EXOC6B: variants seen among roughly 807,000 people sequenced by gnomAD.
EXOC6B encodes exocyst complex component 6B, also known as SEC15 homolog B.
A neutral mutation model predicts 113.5 loss-of-function variants in EXOC6B; 54 were observed. That is an observed-to-expected ratio of 0.48 (90% CI 0.38 to 0.60). EXOC6B has a LOEUF of 0.60. EXOC6B is among the 20% of genes least tolerant of loss of function. The probability of loss-of-function intolerance (pLI) is 0.00; values close to 1 mark genes in which losing one functional copy is unlikely to be tolerated. For missense variants in EXOC6B, 797 were observed against 977.5 expected, an observed-to-expected ratio of 0.82 and a Z score of 2.46; for synonymous variants, 357 against 339.0, an observed-to-expected ratio of 1.05 and a Z score of -0.58.
chr2:72,685,582 C>T (rs1677031482), intron 6 of EXOC6B, among the ~76,000 whole-genome samples: 1 of 152,122 alleles, frequency 6.6e-6, no homozygotes, highest in Non-Finnish European at 1.5e-5. Context: ...GTACTAGATC[C>T]CCTTTAGGGG....
At chr2:72,626,073 T>C (rs1672032187) in intron 6 of EXOC6B, among the ~76,000 whole-genome samples, 1 of 152,118 alleles carries the variant, frequency 6.6e-6, no homozygotes, top group African/African-American at 2.4e-5. Context: ...TCTAAAGCTA[T>C]GTTTTTCCCA....
rs374954336 is a variant in EXOC6B at position 72,718,014 on chromosome 2, T to A, written c.669+89A>T. 37 of 902,044 alleles carry A rather than the reference T, an allele frequency of 4.1e-5. 1 individual carries two copies. The highest frequency in any genetic ancestry group is 3.3e-4 in the East Asian group (13 of 39,692). The allele number at this position is 902,044 out of a possible 1,614,324, so 55.9% of individuals were successfully genotyped here. On this transcript the variant is annotated intron_variant, in intron 6 of 21. Transcript: ENST00000272427. ...AAAATGATAAGAAACTTGGATAAGATAATGACTAGACACTTGGCAAAGAGA... is the reference window on the plus strand; with the variant it reads ...AAAATGATAAGAAACTTGGATAAGAAAATGACTAGACACTTGGCAAAGAGA...
At chr2:72,622,771 A>G (rs1368746460) in intron 6 of EXOC6B, among the ~76,000 whole-genome samples, 1 of 152,218 alleles carries the variant, frequency 6.6e-6, no homozygotes, top group Admixed American at 6.5e-5. Flanking sequence ...AAACATCATT[A>G]GTTATTAGGG....
chr2:72,387,162 G>C (rs1432561981), intron 18 of EXOC6B, among the ~76,000 whole-genome samples: 2 of 152,136 alleles, frequency 1.3e-5, no homozygotes, highest in Non-Finnish European at 2.9e-5. Context: ...CACACACACA[G>C]TTATATAACT....
Position 72,271,252 on chromosome 2 carries a change from G to T in EXOC6B, c.2196+63695C>A, listed in dbSNP as rs149948274. ...TTTGTATGCTGGTCTGCATTCTCTC[G>T]AGTTTAAATTAAGTAGGTAAAGATC... On this transcript the variant is annotated intron_variant, in intron 20 of 21. Coordinates refer to ENST00000272427, the MANE Select transcript of EXOC6B (RefSeq NM_015189.3). 2.6e-3 allele frequency among the ~76,000 whole-genome samples: 396 copies of T among 152,158 alleles called. 1 individual carries two copies. Among genetic ancestry groups the T allele is most frequent in the African/African-American group, 9.1e-3 (378 of 41,514 alleles).
At chr2:72,606,158 C>A (rs958183910) in intron 6 of EXOC6B, among the ~76,000 whole-genome samples, 2 of 152,088 alleles carry the variant, frequency 1.3e-5, no homozygotes, top group African/African-American at 4.8e-5. Context: ...AGGAATTAGT[C>A]TCATTTCTAA....
intron 18 of EXOC6B, among the ~76,000 whole-genome samples, chr2:72,441,408 AAG>A (rs1260603392): frequency 2.0e-5 from 3 of 152,154 alleles, no homozygotes; most frequent in African/African-American, 7.2e-5. Flanking sequence ...GCTGAACTGA[AAG>A]AGATAGAGAA....
chr2:72,397,630 TA>T (rs1218379056), intron 18 of EXOC6B, among the ~76,000 whole-genome samples: 15 of 102,626 alleles, frequency 1.5e-4, no homozygotes, highest in African/African-American at 8.4e-4. Flanking sequence ...AAAAAAAAAA[TA>T]AAATAAAATA....
chr2:72,515,923 G>A (rs1170982351), intron 8 of EXOC6B: 1 of 167,834 alleles, frequency 6.0e-6, no homozygotes, highest in African/African-American at 2.4e-5. Context: ...AATAGACACA[G>A]AGACACATGG....
At chr2:72,508,323 T>C (rs758383761) in intron 11 of EXOC6B, among the ~76,000 whole-genome samples, 3 of 152,054 alleles carry the variant, frequency 2.0e-5, no homozygotes, top group Admixed American at 6.5e-5. Flanking sequence ...AATCTACAGA[T>C]TTACTGCACA....
chr2:72,228,759 A>C (rs1259545818), intron 20 of EXOC6B, among the ~76,000 whole-genome samples: 1 of 152,204 alleles, frequency 6.6e-6, no homozygotes, highest in Non-Finnish European at 1.5e-5. Context: ...AGCATGATTT[A>C]TAATCCTTTG....
chr2:72,575,284 A>C (rs149985558), intron 7 of EXOC6B, among the ~76,000 whole-genome samples: 208 of 152,272 alleles, frequency 1.4e-3, no homozygotes, highest in African/African-American at 4.8e-3. Flanking sequence ...GTGAATTTAA[A>C]ATTTGAATTC....
intron 6 of EXOC6B, among the ~76,000 whole-genome samples, chr2:72,597,996 A>C (rs77934942): frequency 6.6e-6 from 1 of 151,970 alleles, no homozygotes; most frequent in African/African-American, 2.4e-5. Flanking sequence ...TATTATTATA[A>C]TGGGAGAATT....
At chr2:72,510,590 G>A (rs1431918820) in intron 11 of EXOC6B, among the ~76,000 whole-genome samples, 1 of 151,078 alleles carries the variant, frequency 6.6e-6, no homozygotes, top group African/African-American at 2.4e-5. Flanking sequence ...GAAAAACACA[G>A]CATGTTCCTA....
intron 18 of EXOC6B, among the ~76,000 whole-genome samples, chr2:72,444,795 T>TG (rs1696465357): frequency 6.6e-6 from 1 of 152,130 alleles, no homozygotes; most frequent in African/African-American, 2.4e-5. Flanking sequence ...ACAGGGACCT[T>TG]GGGCCCAGCA....
chr2:72,734,418 T>G (rs560979688), intron 2 of EXOC6B, among the ~76,000 whole-genome samples: 1 of 152,278 alleles, frequency 6.6e-6, no homozygotes, highest in Non-Finnish European at 1.5e-5. Context: ...CCGTCCAAAA[T>G]GCACATCTAA....
At chr2:72,552,610 A>G (rs1703303478) in intron 8 of EXOC6B, among the ~76,000 whole-genome samples, 1 of 152,114 alleles carries the variant, frequency 6.6e-6, no homozygotes, top group South Asian at 2.1e-4. Flanking sequence ...CCAAACCACA[A>G]ACACAAAAAT....
At chr2:72,678,358 T>C (rs1373612320) in intron 6 of EXOC6B, among the ~76,000 whole-genome samples, 1 of 152,198 alleles carries the variant, frequency 6.6e-6, no homozygotes, top group Non-Finnish European at 1.5e-5. Context: ...CACTGCCCAG[T>C]AGTGAAACAG....
chr2:72,614,280 T>TA (rs1288366952), intron 6 of EXOC6B, among the ~76,000 whole-genome samples: 1 of 152,100 alleles, frequency 6.6e-6, no homozygotes, highest in Non-Finnish European at 1.5e-5. Context: ...AGAGAATATA[T>TA]ATCCCACAAA....
Sources: gnomAD v4.1 joint callset for allele counts (sites outside exome capture counted in the v4.1 genomes callset) on GRCh38, gnomAD v4.1.1 for gene constraint, MANE v1.5 for transcripts, NCBI Gene and HGNC (gene_info 2026-07-23, HGNC 2026-07-21) for gene names.